The following ZNF880 variants were observed in gnomAD, a reference collection of about 807,000 sequenced individuals.
ZNF880 encodes the protein zinc finger protein 880, also known as zinc finger protein LOC400713.
ZNF880 carries 12 observed loss-of-function variants against 11.8 expected under a neutral mutation model. The ratio of observed to expected loss-of-function variants is 1.02; its 90% CI spans 0.65 to 1.65. ZNF880 has a LOEUF of 1.65. Ranked by LOEUF, ZNF880 falls within the 40% of genes most tolerant of loss-of-function variation. The pLI, the probability that ZNF880 is intolerant of heterozygous loss-of-function variation, is 0.00. For missense variants in ZNF880, 601 were observed against 673.9 expected, an observed-to-expected ratio of 0.89 and a Z score of 1.20; for synonymous variants, 210 against 232.4, an observed-to-expected ratio of 0.90 and a Z score of 0.88.
rs563266746 is a variant in ZNF880 at position 52,384,315 on chromosome 19, T to A, written c.735T>A (p.Cys245Ter). 1.1e-5 allele frequency: 17 copies of A among 1,613,546 alleles called. No individual in the cohort carries two copies. The highest frequency in any genetic ancestry group is 1.4e-5 in the Non-Finnish European group (16 of 1,179,696). ...AGAAGCCTTACAAGTGTCATGAATGTGGCAAGCTCTTCAATCGAATTTCAC... is the reference window on the plus strand; with the variant it reads ...AGAAGCCTTACAAGTGTCATGAATGAGGCAAGCTCTTCAATCGAATTTCAC... ...TGEKPYKCHE[C>*]GKLFNRISLL... Residue 245 changes from cysteine (C) to a stop codon, truncating the protein, a stop_gained, in exon 4 of 4, where the codon TGT becomes TGA. Transcript: ENST00000422689. LOFTEE classifies it low-confidence loss of function (END_TRUNC).
At chr19:52,381,501 A>G (rs1986703752) in intron 3 of ZNF880, among the ~76,000 whole-genome samples, 1 of 152,182 alleles carries the variant, frequency 6.6e-6, no homozygotes, top group African/African-American at 2.4e-5. Context: ...TTTCTTGCAG[A>G]TGGGATTTAG....
chr19:52,369,947 A>G lies in ZNF880; in HGVS notation c.-19A>G, dbSNP rs1413428340. On this transcript the variant is annotated 5_prime_UTR_variant, in exon 1 of 4. Coordinates refer to ENST00000422689, the MANE Select transcript of ZNF880 (RefSeq NM_001145434.2). ...CAGTTTCCTGGAGACCCGGAAGCAG[A>G]TTACGTGGAGTGACGGTCATGCTGC... 48 of 1,551,554 alleles carry G rather than the reference A, an allele frequency of 3.1e-5. No individual in the cohort carries two copies. Among genetic ancestry groups the G allele is most frequent in the Non-Finnish European group, 3.7e-5 (43 of 1,146,980 alleles).
chr19:52,388,281 ACTTTTTT>A (rs1986945158), downstream of ZNF880, among the ~76,000 whole-genome samples: 1 of 38,890 alleles, frequency 2.6e-5, no homozygotes, highest in Non-Finnish European at 4.6e-5. Flanking sequence ...GGCAATTTGA[ACTTTTTT>A]TTTTTTTTTT....
chr19:52,377,470 T>C (rs1158365613), intron 3 of ZNF880, among the ~76,000 whole-genome samples: 1 of 152,148 alleles, frequency 6.6e-6, no homozygotes, highest in Admixed American at 6.6e-5. Context: ...GCCTTTCTGA[T>C]ATTATGTATC....
intron 1 of ZNF880, among the ~76,000 whole-genome samples, chr19:52,372,074 A>C (rs978404518): frequency 3.3e-5 from 5 of 151,596 alleles, no homozygotes; most frequent in African/African-American, 1.2e-4. Context: ...CTGTAGTCCC[A>C]GCTACTCGGG....
chr19:52,378,171 C>G (rs1986607661), intron 3 of ZNF880, among the ~76,000 whole-genome samples: 1 of 152,116 alleles, frequency 6.6e-6, no homozygotes. Flanking sequence ...CAGAACATTC[C>G]AAGGAGTTAG....
chr19:52,378,092 CTGA>C (rs1357331414), intron 3 of ZNF880, among the ~76,000 whole-genome samples: 2 of 152,088 alleles, frequency 1.3e-5, no homozygotes, highest in African/African-American at 4.8e-5. Flanking sequence ...CCTGGTCTTT[CTGA>C]TGATCAGCCC....
At chr19:52,375,271 C>T (rs1024822875) in intron 3 of ZNF880, among the ~76,000 whole-genome samples, 4 of 151,814 alleles carry the variant, frequency 2.6e-5, no homozygotes, top group Non-Finnish European at 4.4e-5. Context: ...ACTGCAACCT[C>T]TGCCTCTCAA....
chr19:52,384,359 GAATA>G lies in ZNF880; in HGVS notation c.780_783del (p.Arg260SerfsTer84). The G allele has an allele frequency of 6.2e-7, 1 of 1,613,736 alleles. No individual in the cohort carries two copies. Among genetic ancestry groups the G allele is most frequent in the Non-Finnish European group, 8.5e-7 (1 of 1,179,746 alleles). On this transcript the variant is annotated frameshift_variant, in exon 4 of 4. Transcript: ENST00000422689. LOFTEE classifies it low-confidence loss of function (END_TRUNC). ...ATTTCACTCCTTGCACGACATCAGA[GAATA>G]CATACTGGAGAGAAACCTTACAAAT... is the stretch of plus-strand genomic sequence containing the variant.
chr19:52,397,511 T>G, the ZNF880 span: 1 of 151,984 alleles, frequency 6.6e-6, no homozygotes, highest in Non-Finnish European at 1.5e-5. Flanking sequence ...TCTTTCTTGG[T>G]TTTCTTTCTC....
upstream of ZNF880, among the ~76,000 whole-genome samples, chr19:52,369,549 GTATT>G (rs1191068686): frequency 1.3e-5 from 2 of 151,550 alleles, no homozygotes; most frequent in Non-Finnish European, 2.9e-5. Context: ...TTATGATTAT[GTATT>G]TATTAGGCGC....
intron 3 of ZNF880, among the ~76,000 whole-genome samples, chr19:52,376,269 T>A (rs1568661703): frequency 6.6e-6 from 1 of 152,160 alleles, no homozygotes; most frequent in Non-Finnish European, 1.5e-5. Flanking sequence ...TGTACTAGTT[T>A]CCATTCCCAC....
chr19:52,393,067 G>GTTTTTTTTTTT, the ZNF880 span, among the ~76,000 whole-genome samples: 1 of 141,746 alleles, frequency 7.1e-6, no homozygotes. Flanking sequence ...AATCCTGTTA[G>GTTTTTTTTTTT]TTTTTTTTTT....
intron 1 of ZNF880, 151 bp downstream of exon 1, chr19:52,370,128 T>C (rs1986319710): frequency 1.9e-6 from 2 of 1,068,958 alleles, no homozygotes; most frequent in African/African-American, 1.6e-5. Context: ...AGTCTGGCGG[T>C]CGCTTCCCTG....
chr19:52,396,291 C>T, the ZNF880 span: 1 of 152,188 alleles, frequency 6.6e-6, no homozygotes, highest in Non-Finnish European at 1.5e-5. Context: ...TTTAATAAAG[C>T]TAGTCCATTT....
chr19:52,391,249 CT>C, the ZNF880 span: 2 of 148,410 alleles, frequency 1.3e-5, no homozygotes, highest in Admixed American at 1.4e-4. Context: ...CTGGGGAGAA[CT>C]GGGATCTGGG....
At chr19:52,390,422 G>A (rs189937821), downstream of ZNF880, 8 of 339,636 alleles carry the variant, frequency 2.4e-5, no homozygotes, top group East Asian at 4.7e-4. Flanking sequence ...CTCCTTGATC[G>A]GGGGCCCTTC....
downstream of ZNF880, among the ~76,000 whole-genome samples, chr19:52,387,371 A>G (rs1986911541): frequency 6.9e-6 from 1 of 144,096 alleles, no homozygotes; most frequent in Non-Finnish European, 1.5e-5. Flanking sequence ...TTATATTTCT[A>G]CGTGCCTATT....
the ZNF880 span, chr19:52,397,555 T>C: frequency 1.3e-5 from 2 of 152,228 alleles, no homozygotes; most frequent in African/African-American, 4.8e-5. Flanking sequence ...TCTTTCTCTT[T>C]ACTCTCTCTC....
Sources: allele counts gnomAD v4.1 joint callset (sites outside exome capture counted in the v4.1 genomes callset), GRCh38; gene constraint gnomAD v4.1.1; transcripts MANE v1.5; gene names NCBI Gene and HGNC (gene_info 2026-07-23, HGNC 2026-07-21).